KCNIP1: variants seen among roughly 807,000 people sequenced by gnomAD.
KCNIP1 encodes the protein potassium voltage-gated channel interacting protein 1.
Under a neutral mutation model 33.0 loss-of-function variants are expected in KCNIP1, and 18 were observed. That is an observed-to-expected ratio of 0.55 (90% CI 0.38 to 0.81). The LOEUF is 0.81. Ranked by LOEUF, KCNIP1 falls within the 30% of genes least tolerant of loss-of-function variation. The pLI is 0.00. For missense variants in KCNIP1, 238 were observed against 271.6 expected (o/e 0.88, Z 0.87); for synonymous variants, 93 against 98.3 (o/e 0.95, Z 0.32).
chr5:170,529,094 G>C (rs1459167478), intron 1 of KCNIP1, among the ~76,000 whole-genome samples: 1 of 152,188 alleles, frequency 6.6e-6, no homozygotes, highest in Non-Finnish European at 1.5e-5. Flanking sequence ...GGGTTTATTG[G>C]TTCATGTAAT....
intron 1 of KCNIP1, among the ~76,000 whole-genome samples, chr5:170,369,211 A>G (rs1763781774): frequency 6.6e-6 from 1 of 152,244 alleles, no homozygotes; most frequent in Non-Finnish European, 1.5e-5. Context: ...CAAGGTACTT[A>G]CTTTCTAAGA....
At chr5:170,528,632 G>A (rs924131312) in intron 1 of KCNIP1, among the ~76,000 whole-genome samples, 1 of 152,160 alleles carries the variant, frequency 6.6e-6, no homozygotes, top group Non-Finnish European at 1.5e-5. Flanking sequence ...TTTGTGGGAT[G>A]TCAGACTTAA....
intron 1 of KCNIP1, among the ~76,000 whole-genome samples, chr5:170,682,011 G>A (rs1394403802): frequency 4.6e-5 from 7 of 152,072 alleles, no homozygotes; most frequent in Admixed American, 3.9e-4. Flanking sequence ...ATGTGTATTC[G>A]GTGTATATTC....
intron 1 of KCNIP1, among the ~76,000 whole-genome samples, chr5:170,717,566 A>C (rs1287791226): frequency 6.6e-6 from 1 of 152,236 alleles, no homozygotes; most frequent in East Asian, 1.9e-4. Flanking sequence ...GGATATGTAC[A>C]AGATACAAAC....
In KCNIP1 at chr5:170,684,638, A is replaced by G. The variant is rs1762477453; in HGVS notation, c.62-34120A>G. 1.3e-5 allele frequency among the ~76,000 whole-genome samples: 2 copies of G among 152,230 alleles called. 1 individual carries two copies. The highest frequency in any genetic ancestry group is 4.1e-4 in the South Asian group (2 of 4,828). On this transcript the variant is annotated intron_variant, in intron 1 of 7. Transcript: ENST00000328939. ...AAGGCTTAGGTCAACTTCTCTCTGC[A>G]GTTCCAAGGAGGATGAGAAATAGCA...
intron 1 of KCNIP1, among the ~76,000 whole-genome samples, chr5:170,392,762 C>T (rs1581146072): frequency 6.6e-6 from 1 of 152,086 alleles, no homozygotes; most frequent in Non-Finnish European, 1.5e-5. Context: ...AGGCGGAGGT[C>T]GCAGTGAGCT....
intron 1 of KCNIP1, among the ~76,000 whole-genome samples, chr5:170,674,336 A>G (rs749406263): frequency 6.6e-6 from 1 of 152,252 alleles, no homozygotes; most frequent in Non-Finnish European, 1.5e-5. Context: ...GAAACATGTC[A>G]ATGGATATCT....
At chr5:170,582,675 C>G (rs1378484037) in intron 1 of KCNIP1, among the ~76,000 whole-genome samples, 1 of 152,068 alleles carries the variant, frequency 6.6e-6, no homozygotes, top group Non-Finnish European at 1.5e-5. Flanking sequence ...AAGACCAAGG[C>G]CAGGAGGGAA....
intron 1 of KCNIP1, among the ~76,000 whole-genome samples, chr5:170,562,202 A>G (rs948243125): frequency 6.6e-6 from 1 of 152,254 alleles, no homozygotes; most frequent in African/African-American, 2.4e-5. Flanking sequence ...AATAGAGCTG[A>G]GACCCAAAGA....
chr5:170,603,412 G>A (rs1209925389), intron 1 of KCNIP1, among the ~76,000 whole-genome samples: 2 of 152,202 alleles, frequency 1.3e-5, no homozygotes, highest in African/African-American at 2.4e-5. Flanking sequence ...TTCCATTAAC[G>A]GATTTACTGG....
At chr5:170,661,767 C>T (rs776759516) in intron 1 of KCNIP1, among the ~76,000 whole-genome samples, 7 of 152,242 alleles carry the variant, frequency 4.6e-5, no homozygotes, top group Non-Finnish European at 1.0e-4. Flanking sequence ...AGCACATGCT[C>T]ATTTTTGAAC....
intron 1 of KCNIP1, among the ~76,000 whole-genome samples, chr5:170,586,103 C>A (rs1757980133): frequency 1.3e-5 from 2 of 152,196 alleles, no homozygotes; most frequent in Admixed American, 1.3e-4. Context: ...ATAATTAATA[C>A]CCACCCCACA....
intron 1 of KCNIP1, chr5:170,378,811 G>T (rs1351513804): frequency 6.2e-7 from 1 of 1,614,238 alleles, no homozygotes; most frequent in Non-Finnish European, 8.5e-7. Flanking sequence ...GAGAAGAGGA[G>T]GGCCTGGGGC....
Position 170,583,116 on chromosome 5 carries a change from C to T in KCNIP1, c.61+78483C>T, listed in dbSNP as rs183965567. Among the ~76,000 whole-genome samples the T allele has an allele frequency of 9.2e-4, 140 of 152,260 alleles. 2 individuals are homozygous for T. Among genetic ancestry groups the T allele is most frequent in the Non-Finnish European group, 1.5e-3 (101 of 68,022 alleles). On this transcript the variant is annotated intron_variant, in intron 1 of 7. Transcript: ENST00000328939. ...GGAAAACCAGGGCATGCTGGGAGGC[C>T]GTCCCAGCCCATCTTCCTGACATCG...
chr5:170,628,982 G>A (rs1032514463), intron 1 of KCNIP1, among the ~76,000 whole-genome samples: 4 of 152,180 alleles, frequency 2.6e-5, no homozygotes, highest in Non-Finnish European at 4.4e-5. Context: ...CCTGTGCCTC[G>A]TCAGCCCCAC....
intron 1 of KCNIP1, among the ~76,000 whole-genome samples, chr5:170,579,983 AAAC>A (rs1757733170): frequency 1.3e-5 from 2 of 152,278 alleles, no homozygotes; most frequent in Admixed American, 6.5e-5. Context: ...GAAAAAAAAA[AAAC>A]AAGTTTCTTG....
chr5:170,497,559 T>G lies in KCNIP1; in HGVS notation c.88+143595T>G, dbSNP rs187043645. On this transcript the variant is annotated intron_variant, in intron 1 of 7. Transcript: ENST00000377360. ...AACTCTGGGGGAAAAGGTTCACAGG[T>G]TTTATCAGATACTTACAGTTTGTTA... 1.1e-3 allele frequency among the ~76,000 whole-genome samples: 172 copies of G among 152,174 alleles called. 2 individuals are homozygous for G. The highest frequency in any genetic ancestry group is 4.0e-3 in the African/African-American group (168 of 41,512).
At chr5:170,496,261 T>C (rs1344239451) in intron 1 of KCNIP1, among the ~76,000 whole-genome samples, 1 of 152,224 alleles carries the variant, frequency 6.6e-6, no homozygotes, top group African/African-American at 2.4e-5. Flanking sequence ...GTCCCTCCCA[T>C]GTGCATCCAT....
At chr5:170,475,772 C>T (rs1333001194) in intron 1 of KCNIP1, among the ~76,000 whole-genome samples, 2 of 152,200 alleles carry the variant, frequency 1.3e-5, no homozygotes, top group South Asian at 2.1e-4. Flanking sequence ...CTTCCCCCTA[C>T]TTCCTTACTA....
Sources: allele counts gnomAD v4.1 joint callset (sites outside exome capture counted in the v4.1 genomes callset), GRCh38; gene constraint gnomAD v4.1.1; transcripts MANE v1.5; gene names NCBI Gene and HGNC (gene_info 2026-07-23, HGNC 2026-07-21).